LIMCH1: variants seen among roughly 807,000 people sequenced by gnomAD.
LIMCH1 encodes LIM and calponin homology domains-containing protein 1.
Under a neutral mutation model 176.5 loss-of-function variants are expected in LIMCH1, and 113 were observed. The observed-to-expected ratio is 0.64, with a 90% CI of 0.55 to 0.75. The LOEUF (loss-of-function observed/expected upper bound fraction) is 0.75, where lower values mean the gene tolerates loss of function less well. LIMCH1 is among the 30% of genes least tolerant of loss of function. The probability of loss-of-function intolerance (pLI) is 0.00; values close to 1 mark genes in which losing one functional copy is unlikely to be tolerated. For missense variants in LIMCH1, 1,674 were observed against 1,814.9 expected, an observed-to-expected ratio of 0.92 and a Z score of 1.41; for synonymous variants, 619 against 645.9, an observed-to-expected ratio of 0.96 and a Z score of 0.63.
At chr4:41,644,701 G>A in intron 15 of LIMCH1, 75 bp downstream of exon 15, 2 of 1,531,672 alleles carry the variant, frequency 1.3e-6, no homozygotes, top group Non-Finnish European at 1.8e-6. Flanking sequence ...GGGTAGACGT[G>A]GACTTGAAAG....
intron 1 of LIMCH1, among the ~76,000 whole-genome samples, chr4:41,366,038 G>A (rs1300915258): frequency 6.6e-6 from 1 of 152,184 alleles, no homozygotes. Flanking sequence ...TCTGTGAGTG[G>A]CAGTCAGTGC....
chr4:41,419,709 T>TTCCG (rs2060435077), intron 1 of LIMCH1, among the ~76,000 whole-genome samples: 6 of 116,602 alleles, frequency 5.1e-5, no homozygotes, highest in East Asian at 2.5e-4. Flanking sequence ...CCTTCCTTCC[T>TTCCG]TCCTTCCTTC....
In LIMCH1 at chr4:41,698,167, A is replaced by G. The variant is rs1158545182; in HGVS notation, c.*982A>G. Reference sequence around the variant, plus strand: ...TCACCCTTGCTGGCAAGTTCTCCTTAAGGGCCTGAAGCACAGGTGTCCAAA... The same window carrying G: ...TCACCCTTGCTGGCAAGTTCTCCTTGAGGGCCTGAAGCACAGGTGTCCAAA... On this transcript the variant is annotated 3_prime_UTR_variant, in exon 32 of 32. Coordinates refer to ENST00000503057, the MANE Select transcript of LIMCH1 (RefSeq NM_001330672.2). 6.6e-6 allele frequency: 1 copy of G among 152,156 alleles called. No individual in the cohort carries two copies. The highest frequency in any genetic ancestry group is 1.5e-5 in the Non-Finnish European group (1 of 68,170). The allele number at this position is 152,156 out of a possible 1,614,324, so 9.4% of individuals were successfully genotyped here.
At chr4:41,371,487 C>G (rs2053956160) in intron 1 of LIMCH1, among the ~76,000 whole-genome samples, 1 of 152,138 alleles carries the variant, frequency 6.6e-6, no homozygotes, top group African/African-American at 2.4e-5. Context: ...GACTCCCCCA[C>G]TGGATTCAAA....
chr4:41,595,496 G>C (rs565637490), intron 1 of LIMCH1, among the ~76,000 whole-genome samples: 9 of 152,244 alleles, frequency 5.9e-5, no homozygotes, highest in Middle Eastern at 3.4e-3. Context: ...ACCTCTCTGT[G>C]CCTCAACTAC....
intron 1 of LIMCH1, among the ~76,000 whole-genome samples, chr4:41,589,051 T>G (rs1350867399): frequency 6.6e-6 from 1 of 151,856 alleles, no homozygotes; most frequent in Non-Finnish European, 1.5e-5. Context: ...GACAAAGAGG[T>G]GGGGATGCTG....
upstream of LIMCH1, among the ~76,000 whole-genome samples, chr4:41,536,133 G>A (rs549352295): frequency 1.4e-3 from 214 of 152,260 alleles, 3 homozygotes; most frequent in African/African-American, 4.8e-3. Context: ...AGCTTACCTA[G>A]AGGATAACTT....
chr4:41,487,452 G>T (rs2069816481), intron 1 of LIMCH1, among the ~76,000 whole-genome samples: 1 of 152,138 alleles, frequency 6.6e-6, no homozygotes, highest in Admixed American at 6.5e-5. Context: ...AACACATGGT[G>T]CCTATTCCCA....
At chr4:41,639,213 A>G (rs148579251) in intron 14 of LIMCH1, among the ~76,000 whole-genome samples, 571 of 152,308 alleles carry the variant, frequency 3.7e-3, no homozygotes, top group Non-Finnish European at 5.2e-3. Flanking sequence ...CTTTCCATAG[A>G]CTGGGCATGT....
chr4:41,646,936 G>A, intron 17 of LIMCH1, 43 bp downstream of exon 17: 1 of 1,515,152 alleles, frequency 6.6e-7, no homozygotes, highest in East Asian at 2.3e-5. Context: ...CTGAACTCCA[G>A]GGAGTGGATG....
At chr4:41,530,970 C>T (rs1415860464) in intron 3 of LIMCH1, among the ~76,000 whole-genome samples, 1 of 151,624 alleles carries the variant, frequency 6.6e-6, no homozygotes, top group African/African-American at 2.4e-5. Flanking sequence ...ATCTTTACAA[C>T]ACACCTGTGA....
chr4:41,477,050 A>T (rs1372189898), intron 1 of LIMCH1, among the ~76,000 whole-genome samples: 1 of 152,178 alleles, frequency 6.6e-6, no homozygotes, highest in Non-Finnish European at 1.5e-5. Context: ...AATAGGGGGA[A>T]ATCAGCAACA....
intron 30 of LIMCH1, among the ~76,000 whole-genome samples, chr4:41,690,262 A>T (rs1188405372): frequency 6.6e-6 from 1 of 152,180 alleles, no homozygotes; most frequent in Admixed American, 6.5e-5. Context: ...GGCAGGGACC[A>T]TGTCTGTCTT....
At chr4:41,469,060 A>T (rs2066567406) in intron 1 of LIMCH1, among the ~76,000 whole-genome samples, 1 of 152,178 alleles carries the variant, frequency 6.6e-6, no homozygotes, top group African/African-American at 2.4e-5. Context: ...ATTTGTAATG[A>T]TGTTGCAGGT....
At chr4:41,568,301 C>A (rs530694537) in intron 1 of LIMCH1, among the ~76,000 whole-genome samples, 5 of 152,280 alleles carry the variant, frequency 3.3e-5, no homozygotes, top group Admixed American at 6.5e-5. Context: ...TATCACTTTA[C>A]AATAAATTGT....
chr4:41,552,191 A>T (rs187531647), intron 1 of LIMCH1, among the ~76,000 whole-genome samples: 1 of 151,934 alleles, frequency 6.6e-6, no homozygotes, highest in East Asian at 1.9e-4. Context: ...CCTCCCACTG[A>T]CTCCCTCCCA....
chr4:41,532,248 A>G (rs974444883), intron 3 of LIMCH1, among the ~76,000 whole-genome samples: 1 of 152,178 alleles, frequency 6.6e-6, no homozygotes, highest in East Asian at 1.9e-4. Context: ...TGGGGATTCT[A>G]AGTTTATTTA....
chr4:41,514,593 C>T (rs1561600184), intron 2 of LIMCH1, among the ~76,000 whole-genome samples: 2 of 152,166 alleles, frequency 1.3e-5, no homozygotes, highest in African/African-American at 2.4e-5. Context: ...TCTTGAATAG[C>T]ATGGTAAGGA....
chr4:41,530,819 ATTTTTTTTT>A (rs71650934), intron 3 of LIMCH1, among the ~76,000 whole-genome samples: 2 of 84,734 alleles, frequency 2.4e-5, no homozygotes, highest in Non-Finnish European at 4.2e-5. Flanking sequence ...AAAAAAAAAA[ATTTTTTTTT>A]TTTTTTTTTT....
Sources: allele counts gnomAD v4.1 joint callset (sites outside exome capture counted in the v4.1 genomes callset), GRCh38; gene constraint gnomAD v4.1.1; transcripts MANE v1.5; gene names NCBI Gene and HGNC (gene_info 2026-07-23, HGNC 2026-07-21).